The following VEPH1 variants were observed in gnomAD, a reference collection of about 807,000 sequenced individuals.
VEPH1 encodes the protein ventricular zone expressed PH domain containing 1.
In VEPH1, 80 loss-of-function variants were observed where a neutral mutation model predicts 85.2. That is an observed-to-expected ratio of 0.94 (90% CI 0.78 to 1.13). The LOEUF is 1.13. Ranked by LOEUF, VEPH1 falls within the 50% of genes most tolerant of loss-of-function variation. The pLI, the probability that VEPH1 is intolerant of heterozygous loss-of-function variation, is 0.00. For synonymous variants in VEPH1, 297 were observed against 348.0 expected, an observed-to-expected ratio of 0.85 and a Z score of 1.63; for missense variants, 955 against 980.5, an observed-to-expected ratio of 0.97 and a Z score of 0.35.
chr3:157,286,972 C>G (rs1235825921), intron 11 of VEPH1, among the ~76,000 whole-genome samples: 2 of 152,158 alleles, frequency 1.3e-5, no homozygotes, highest in African/African-American at 2.4e-5. Flanking sequence ...CTAGCAGTGG[C>G]TCCAGATTTT....
intron 4 of VEPH1, chr3:157,438,035 G>GCGCGCA: frequency 1.4e-6 from 1 of 701,792 alleles, no homozygotes; most frequent in East Asian, 3.5e-5. Context: ...GCGCGCGCGC[G>GCGCGCA]CGCACACACA....
Position 157,334,734 on chromosome 3 carries a change from C to T in VEPH1, c.1736-17533G>A, listed in dbSNP as rs78456398. Reference sequence around the variant, plus strand: ...GCCAAATGAGAAGTACTGGGAATCACGGGGGTGTAGAAAGTAAGAAATAGG... The same window carrying T: ...GCCAAATGAGAAGTACTGGGAATCATGGGGGTGTAGAAAGTAAGAAATAGG... On this transcript the variant is annotated intron_variant, in intron 9 of 13. Coordinates refer to ENST00000362010, the MANE Select transcript of VEPH1 (RefSeq NM_001167912.2). Among the ~76,000 whole-genome samples, 1,512 of 152,172 alleles carry T rather than the reference C, an allele frequency of 9.9e-3. 13 individuals are homozygous for T. Among genetic ancestry groups the T allele is most frequent in the Middle Eastern group, 0.017 (5 of 294 alleles).
At chr3:157,497,977 T>C (rs978784576) in intron 1 of VEPH1, among the ~76,000 whole-genome samples, 10 of 152,166 alleles carry the variant, frequency 6.6e-5, no homozygotes, top group African/African-American at 2.4e-4. Flanking sequence ...TCAAAACACC[T>C]TCTACAATAT....
intron 9 of VEPH1, among the ~76,000 whole-genome samples, chr3:157,325,480 A>G (rs1721800681): frequency 6.6e-6 from 1 of 151,962 alleles, no homozygotes; most frequent in African/African-American, 2.4e-5. Context: ...TGGGTTTTTC[A>G]TTTAAGTCTT....
At chr3:157,444,087 C>T (rs1291082923) in intron 4 of VEPH1, among the ~76,000 whole-genome samples, 1 of 152,202 alleles carries the variant, frequency 6.6e-6, no homozygotes, top group East Asian at 1.9e-4. Context: ...AGCCCCTTCA[C>T]ACTGTGGATG....
At chr3:157,445,265 G>A (rs763286713) in intron 4 of VEPH1, among the ~76,000 whole-genome samples, 23 of 152,124 alleles carry the variant, frequency 1.5e-4, no homozygotes, top group East Asian at 1.9e-4. Flanking sequence ...TACTTTTGTC[G>A]TGTTTAATCT....
rs79620946 is a variant in VEPH1 at position 157,466,900 on chromosome 3, C to T, written c.354+3414G>A. Reference sequence around the variant, plus strand: ...CACAAGTGCATGTCCCATATATGTACCGATTTTGTATTGAGTTTCCTCAAT... The same window carrying T: ...CACAAGTGCATGTCCCATATATGTATCGATTTTGTATTGAGTTTCCTCAAT... On this transcript the variant is annotated intron_variant, in intron 3 of 13. Coordinates refer to ENST00000362010, the MANE Select transcript of VEPH1 (RefSeq NM_001167912.2). Among the ~76,000 whole-genome samples the T allele has an allele frequency of 4.1e-3, 624 of 152,230 alleles. 2 individuals are homozygous for T. The highest frequency in any genetic ancestry group is 0.014 in the African/African-American group (587 of 41,526).
chr3:157,447,571 G>A (rs1014976518), intron 4 of VEPH1, among the ~76,000 whole-genome samples: 3 of 151,098 alleles, frequency 2.0e-5, no homozygotes, highest in Non-Finnish European at 4.4e-5. Context: ...AACTCCATGA[G>A]TGGATATGGT....
intron 5 of VEPH1, among the ~76,000 whole-genome samples, chr3:157,418,140 C>G (rs1377245529): frequency 6.6e-6 from 1 of 152,130 alleles, no homozygotes; most frequent in Non-Finnish European, 1.5e-5. Context: ...ATTCCAAGAT[C>G]TCAGTTACCT....
intron 3 of VEPH1, among the ~76,000 whole-genome samples, chr3:157,466,695 CA>C (rs1160538131): frequency 3.3e-5 from 5 of 152,206 alleles, no homozygotes; most frequent in Non-Finnish European, 7.4e-5. Flanking sequence ...CGGAAGCCTT[CA>C]AGCTCTAAAG....
intron 5 of VEPH1, among the ~76,000 whole-genome samples, chr3:157,418,357 T>A (rs113816784): frequency 6.6e-6 from 1 of 152,308 alleles, no homozygotes; most frequent in Non-Finnish European, 1.5e-5. Context: ...TGAAGATTGA[T>A]GGATATATCT....
rs1227194706 is a variant in VEPH1, at chr3:157,460,180, C to A, written c.529+1G>T. ...CCCCAAGCTCAACTTTCGCACCATACCTTGGAGTATGCTCTTTACTATAAC... is the reference window on the plus strand; with the variant it reads ...CCCCAAGCTCAACTTTCGCACCATAACTTGGAGTATGCTCTTTACTATAAC... On this transcript the variant is annotated splice_donor_variant, in intron 4 of 13. Coordinates refer to ENST00000362010, the MANE Select transcript of VEPH1 (RefSeq NM_001167912.2). LOFTEE classifies it high-confidence loss of function. 1 of 1,614,180 alleles carries A rather than the reference C, an allele frequency of 6.2e-7. No individual in the cohort carries two copies. Among genetic ancestry groups the A allele is most frequent in the Non-Finnish European group, 8.5e-7 (1 of 1,180,028 alleles).
At chr3:157,316,676 G>C (rs1259159914) in intron 10 of VEPH1, among the ~76,000 whole-genome samples, 4 of 151,842 alleles carry the variant, frequency 2.6e-5, no homozygotes, top group Non-Finnish European at 5.9e-5. Flanking sequence ...TCTTAACAAT[G>C]TCAAAAAGGA....
chr3:157,417,275 C>T (rs2109052644), intron 5 of VEPH1, among the ~76,000 whole-genome samples: 2 of 152,244 alleles, frequency 1.3e-5, no homozygotes, highest in South Asian at 4.1e-4. Context: ...TCATTGGGAG[C>T]CGCCTTCCTG....
chr3:157,475,641 C>T (rs1372250990), intron 2 of VEPH1, among the ~76,000 whole-genome samples: 3 of 152,206 alleles, frequency 2.0e-5, no homozygotes, highest in African/African-American at 7.2e-5. Context: ...TCAGGTGACA[C>T]TTATGGCCAC....
chr3:157,265,715 T>A, intron 12 of VEPH1, 53 bp from the exon 13 acceptor site: 1 of 1,593,348 alleles, frequency 6.3e-7, no homozygotes, highest in Admixed American at 1.7e-5. Flanking sequence ...ATTTACTAGG[T>A]AGGTGATCAA....
intron 4 of VEPH1, 41 bp downstream of exon 4, chr3:157,460,140 T>C (rs1170657843): frequency 6.2e-7 from 1 of 1,614,022 alleles, no homozygotes; most frequent in East Asian, 2.2e-5. Flanking sequence ...CTTTTAAATA[T>C]CTCCCAAAAC....
intron 4 of VEPH1, among the ~76,000 whole-genome samples, chr3:157,450,048 CTTTT>C (rs761761440): frequency 9.1e-5 from 7 of 77,320 alleles, no homozygotes; most frequent in African/African-American, 2.4e-4. Context: ...AGAATATTTA[CTTTT>C]TTTTTTTTTT....
At chr3:157,323,527 T>C (rs753618228) in intron 9 of VEPH1, among the ~76,000 whole-genome samples, 22 of 152,194 alleles carry the variant, frequency 1.4e-4, no homozygotes, top group Admixed American at 8.5e-4. Flanking sequence ...TGTGTTCCCT[T>C]TACAGCAGCT....
Sources: gnomAD v4.1 joint callset for allele counts (sites outside exome capture counted in the v4.1 genomes callset) on GRCh38, gnomAD v4.1.1 for gene constraint, MANE v1.5 for transcripts, NCBI Gene and HGNC (gene_info 2026-07-23, HGNC 2026-07-21) for gene names.